The following AIMP2 variants were observed in gnomAD, a reference collection of about 807,000 sequenced individuals.
AIMP2 encodes aminoacyl tRNA synthase complex-interacting multifunctional protein 2.
In AIMP2, 20 loss-of-function variants were observed where a neutral mutation model predicts 23.4. The ratio of observed to expected loss-of-function variants is 0.85; its 90% CI spans 0.60 to 1.24. The LOEUF (loss-of-function observed/expected upper bound fraction) is 1.24. AIMP2 is among the 50% of genes most tolerant of loss of function. The probability of loss-of-function intolerance (pLI) is 0.00; values close to 1 mark genes in which losing one functional copy is unlikely to be tolerated. For synonymous variants in AIMP2, 210 were observed against 170.4 expected (o/e 1.23, Z -1.81); for missense variants, 515 against 414.5 (o/e 1.24, Z -2.10).
intron 1 of AIMP2, among the ~76,000 whole-genome samples, chr7:6,009,974 A>AAAAAAAAAAAAAAAATATATAT: frequency 3.8e-5 from 1 of 26,662 alleles, no homozygotes; most frequent in Non-Finnish European, 6.8e-5. Flanking sequence ...AAAAAAAAAA[A>AAAAAAAAAAAAAAAATATATAT]ATATATATAT....
Position 6,009,275 on chromosome 7 carries a change from A to T in AIMP2, c.-89A>T. Reference sequence around the variant, plus strand: ...CCCGAACGCCCGCAGCAGGGTCAGAAGGGAGGTGGCCGGTCTCCGTCGTGA... The same window carrying T: ...CCCGAACGCCCGCAGCAGGGTCAGATGGGAGGTGGCCGGTCTCCGTCGTGA... On this transcript the variant is annotated 5_prime_UTR_variant, in exon 1 of 4. The change creates a new upstream start codon in the 5' untranslated region. Transcript: ENST00000223029. 3.7e-6 allele frequency: 6 copies of T among 1,602,568 alleles called. No individual in the cohort carries two copies. Among genetic ancestry groups the T allele is most frequent in the Non-Finnish European group, 5.1e-6 (6 of 1,173,496 alleles).
rs933834613 is a variant in AIMP2 at position 6,016,604 on chromosome 7, CCT to C, written c.343-1209_343-1208del. Among the ~76,000 whole-genome samples the C allele has an allele frequency of 4.6e-5, 7 of 152,206 alleles. No homozygotes were observed. In the South Asian group the frequency reaches 6.2e-4, roughly 14 times the overall value. ...GCGGCTGAAATGACTGAGAAAAGAC[CCT>C]GAGTCATTTCTCAGGGTGCTGGGGA... On this transcript the variant is annotated intron_variant, in intron 2 of 3. Coordinates refer to ENST00000223029, the MANE Select transcript of AIMP2 (RefSeq NM_006303.4).
chr7:6,011,258 T>C (rs1786670427), intron 1 of AIMP2, among the ~76,000 whole-genome samples: 2 of 152,188 alleles, frequency 1.3e-5, no homozygotes, highest in Admixed American at 1.3e-4. Context: ...AAAGTTATAC[T>C]GGTTTATGCG....
In AIMP2 at chr7:6,009,342, C is replaced by G. The variant is rs1062372; in HGVS notation, c.-22C>G. Reference sequence around the variant, plus strand: ...AGCGTTGGCCTTTGGCACGCGCTACCCCCTTTTGCTTTGGTTCTGCCATGC... The same window carrying G: ...AGCGTTGGCCTTTGGCACGCGCTACGCCCTTTTGCTTTGGTTCTGCCATGC... On this transcript the variant is annotated 5_prime_UTR_variant, in exon 1 of 4. Transcript: ENST00000223029. 2 of 1,611,504 alleles carry G rather than the reference C, an allele frequency of 1.2e-6. No homozygotes were observed. Among genetic ancestry groups the G allele is most frequent in the South Asian group, 1.1e-5 (1 of 90,992 alleles).
intron 3 of AIMP2, among the ~76,000 whole-genome samples, chr7:6,019,072 T>C (rs1787219478): frequency 1.3e-5 from 2 of 151,810 alleles, no homozygotes; most frequent in South Asian, 4.1e-4. Flanking sequence ...TAACATTAAT[T>C]GTGGAACAAA....
chr7:6,017,596 G>C (rs577445383), intron 2 of AIMP2, among the ~76,000 whole-genome samples: 10 of 152,160 alleles, frequency 6.6e-5, no homozygotes, highest in African/African-American at 2.2e-4. Flanking sequence ...ATTTGTTGGG[G>C]GTAAGGGGGT....
At position 6,015,209 on chromosome 7, in the gene AIMP2, T is replaced by C; in HGVS notation, c.199T>C (p.Tyr67His). The C allele has an allele frequency of 6.2e-7, 1 of 1,614,182 alleles. No homozygotes were observed. The highest frequency in any genetic ancestry group is 8.5e-7 in the Non-Finnish European group (1 of 1,180,032). Reference protein sequence around the residue: ...SRQDDILKRLYELKAAVDGLS... With the variant: ...SRQDDILKRLHELKAAVDGLS... ...CCAAGATGATATTTTAAAACGTCTG[T>C]ATGAGTTGAAAGCTGCAGTTGATGG... is the stretch of plus-strand genomic sequence containing the variant. The change falls in exon 2 of 4, where the codon TAT (tyrosine) becomes CAT (histidine). Residue 67 changes from tyrosine to histidine, a missense_variant. Tyr to His is a moderately conservative substitution (Grantham distance 83, BLOSUM62 2). Transcript: ENST00000223029.
At chr7:6,009,686 C>G (rs1202513960) in intron 1 of AIMP2, among the ~76,000 whole-genome samples, 188 bp downstream of exon 1, 1 of 152,000 alleles carries the variant, frequency 6.6e-6, no homozygotes, top group African/African-American at 2.4e-5. Context: ...CGCCGTGGCT[C>G]ACGCCTGTAA....
chr7:6,022,781 A>G (rs536338261), intron 3 of AIMP2: 3 of 153,006 alleles, frequency 2.0e-5, no homozygotes, highest in African/African-American at 7.2e-5. Flanking sequence ...ACATTCAAGA[A>G]CTTACCATCA....
chr7:6,018,917 T>C (rs1054429404), intron 3 of AIMP2, among the ~76,000 whole-genome samples: 10 of 151,736 alleles, frequency 6.6e-5, no homozygotes, highest in South Asian at 2.1e-4. Context: ...ATTATTTACA[T>C]ACACAAAATA....
rs753104633 is a variant in AIMP2, at chr7:6,023,511, T to C, written c.783T>C (p.Ser261=). Residue 261 remains serine, a synonymous_variant, in exon 4 of 4, where the codon TCT becomes TCC. Coordinates refer to ENST00000223029, the MANE Select transcript of AIMP2 (RefSeq NM_006303.4). ...EKAAVFRSMN[S]ALGKSPWLAG... ...CCGCTGTTTTCCGCTCCATGAACTC[T>C]GCTCTTGGGAAGAGCCCTTGGCTCG... 6.2e-7 allele frequency: 1 copy of C among 1,614,240 alleles called. No homozygotes were observed. Among genetic ancestry groups the C allele is most frequent in the Non-Finnish European group, 8.5e-7 (1 of 1,180,042 alleles).
chr7:6,017,992 A>C lies in AIMP2; in HGVS notation c.521A>C (p.Lys174Thr). Residue 174 changes from lysine to threonine, a missense_variant, in exon 3 of 4, where the codon AAA (lysine) becomes ACA (threonine). Transcript: ENST00000223029. ...CTCAAGTGCTTTGGAGAACAGAATA[A>C]AAAACAGCCCCGCCAAGACTATCAG... is the stretch of plus-strand genomic sequence containing the variant. ...NLLKCFGEQN[K>T]KQPRQDYQLG... is the part of the protein sequence containing the mutation. 2.5e-6 allele frequency: 4 copies of C among 1,613,998 alleles called. No homozygotes were observed. The highest frequency in any genetic ancestry group is 2.5e-6 in the Non-Finnish European group (3 of 1,180,000).
At chr7:6,018,939 A>G (rs555953616) in intron 3 of AIMP2, among the ~76,000 whole-genome samples, 17 of 151,208 alleles carry the variant, frequency 1.1e-4, no homozygotes, top group Middle Eastern at 6.9e-3. Context: ...ACACAAATCT[A>G]TTTTAAAAAG....
intron 3 of AIMP2, chr7:6,022,416 A>G (rs1183914566): frequency 1.3e-5 from 2 of 152,160 alleles, no homozygotes; most frequent in African/African-American, 4.8e-5. Context: ...TCGACTGCAC[A>G]GCAGTCGGGG....
rs748245772 is a variant in AIMP2 at position 6,009,414 on chromosome 7, T to C, written c.51T>C (p.Arg17=). 1 of 1,611,492 alleles carries C rather than the reference T, an allele frequency of 6.2e-7. No homozygotes were observed. The highest frequency in any genetic ancestry group is 1.1e-5 in the South Asian group (1 of 91,000). The change falls in exon 1 of 4, where the codon CGT becomes CGC. Residue 17 remains arginine, a synonymous_variant. Transcript: ENST00000223029. ...KPYHGGGAPL[R]VELPTCMYRL... ...ATCACGGGGGCGGCGCGCCTCTCCG[T>C]GTGGAGCTTCCCACCTGCATGTACC...
intron 3 of AIMP2, among the ~76,000 whole-genome samples, chr7:6,021,338 C>CA (rs563523048): frequency 0.11 from 7,493 of 65,456 alleles, 484 homozygotes; most frequent in African/African-American, 0.18. Flanking sequence ...GACTCCATCT[C>CA]AAAAAAAAAA....
At chr7:6,012,243 A>C (rs1181947975) in intron 1 of AIMP2, among the ~76,000 whole-genome samples, 1 of 146,818 alleles carries the variant, frequency 6.8e-6, no homozygotes, top group Admixed American at 6.9e-5. Context: ...ACAGAGTAAA[A>C]CCCTGTCTCA....
chr7:6,011,897 A>G (rs771780481), intron 1 of AIMP2, among the ~76,000 whole-genome samples: 3 of 152,216 alleles, frequency 2.0e-5, no homozygotes, highest in Admixed American at 6.5e-5. Flanking sequence ...TAGAGGACAC[A>G]TAATCTCACT....
chr7:6,020,607 A>G (rs923475270), intron 3 of AIMP2, among the ~76,000 whole-genome samples: 2 of 152,198 alleles, frequency 1.3e-5, no homozygotes, highest in African/African-American at 4.8e-5. Context: ...AATTTTAGGA[A>G]GAGGTTTGGC....
Sources: gnomAD v4.1 joint callset for allele counts (sites outside exome capture counted in the v4.1 genomes callset) on GRCh38, gnomAD v4.1.1 for gene constraint, MANE v1.5 for transcripts, NCBI Gene and HGNC (gene_info 2026-07-23, HGNC 2026-07-21) for gene names.